The following EDIL3 variants were observed in gnomAD, a reference collection of about 807,000 sequenced individuals.
EDIL3 encodes the protein EGF like and discoidin domains 3, also known as EGF-like repeat and discoidin I-like domain-containing protein 3.
Under a neutral mutation model 67.4 loss-of-function variants are expected in EDIL3, and 37 were observed. The ratio of observed to expected loss-of-function variants is 0.55; its 90% CI spans 0.42 to 0.72. EDIL3 has a LOEUF of 0.72. EDIL3 is among the 30% of genes least tolerant of loss of function. The pLI is 0.00. For synonymous variants in EDIL3, 195 were observed against 196.3 expected (o/e 0.99, Z 0.05); for missense variants, 527 against 586.3 (o/e 0.90, Z 1.04).
chr5:84,376,066 T>C (rs894493272), intron 1 of EDIL3, among the ~76,000 whole-genome samples: 1 of 152,188 alleles, frequency 6.6e-6, no homozygotes, highest in Non-Finnish European at 1.5e-5. Flanking sequence ...CATCGCCTAA[T>C]AGTTAAGAGG....
At chr5:84,310,880 G>A (rs919619425) in intron 1 of EDIL3, among the ~76,000 whole-genome samples, 9 of 152,046 alleles carry the variant, frequency 5.9e-5, no homozygotes, top group African/African-American at 1.9e-4. Context: ...CGCTTACCCA[G>A]TCAAAAATCA....
At chr5:84,302,539 G>A (rs930149932) in intron 1 of EDIL3, among the ~76,000 whole-genome samples, 5 of 152,082 alleles carry the variant, frequency 3.3e-5, no homozygotes, top group East Asian at 1.9e-4. Flanking sequence ...CTCGTGATCC[G>A]CCTGCCTCGG....
At chr5:83,975,569 T>A (rs1463169993) in intron 9 of EDIL3, among the ~76,000 whole-genome samples, 1 of 151,910 alleles carries the variant, frequency 6.6e-6, no homozygotes, top group Non-Finnish European at 1.5e-5. Context: ...TACATAACTG[T>A]CTTTGATATT....
chr5:84,093,784 C>T (rs1037947576), intron 6 of EDIL3, among the ~76,000 whole-genome samples: 3 of 151,774 alleles, frequency 2.0e-5, no homozygotes, highest in Non-Finnish European at 4.4e-5. Context: ...CTCAGCCTCC[C>T]AAGTAGCTGG....
At chr5:84,148,807 A>G (rs1386727383) in intron 4 of EDIL3, among the ~76,000 whole-genome samples, 2 of 152,088 alleles carry the variant, frequency 1.3e-5, no homozygotes, top group African/African-American at 4.8e-5. Flanking sequence ...TACTTTTTAT[A>G]TATTTTTATC....
At chr5:84,036,127 T>G (rs1001655206) in intron 9 of EDIL3, among the ~76,000 whole-genome samples, 1 of 152,172 alleles carries the variant, frequency 6.6e-6, no homozygotes, top group Non-Finnish European at 1.5e-5. Context: ...TTTGTGCCAT[T>G]CCCTCCTGAG....
intron 1 of EDIL3, among the ~76,000 whole-genome samples, chr5:84,355,052 C>A (rs1189709956): frequency 6.6e-6 from 1 of 152,168 alleles, no homozygotes; most frequent in Non-Finnish European, 1.5e-5. Flanking sequence ...TAGGGAAGAT[C>A]TCCTGGATAA....
intron 5 of EDIL3, among the ~76,000 whole-genome samples, chr5:84,136,250 C>T (rs1284365606): frequency 6.6e-6 from 1 of 152,178 alleles, no homozygotes; most frequent in Non-Finnish European, 1.5e-5. Flanking sequence ...AGGTGTGTCT[C>T]AGTTTGTGCA....
intron 1 of EDIL3, among the ~76,000 whole-genome samples, chr5:84,316,407 T>C (rs1019755656): frequency 6.6e-6 from 1 of 151,890 alleles, no homozygotes; most frequent in African/African-American, 2.4e-5. Flanking sequence ...AATTAAGGGA[T>C]GGAGGAAGAT....
Position 84,371,341 on chromosome 5 carries a change from A to ATATG in EDIL3, c.67+12966_67+12967insCATA, listed in dbSNP as rs1008172581. On this transcript the variant is annotated intron_variant, in intron 1 of 10. Transcript: ENST00000296591. ...AAAGTATATATATATATATATATAT[A>ATATG]TGTGTGTGTGTATATATATGTGTGT... 7.2e-3 allele frequency among the ~76,000 whole-genome samples: 939 copies of ATATG among 129,686 alleles called. 16 individuals carry two copies. Among genetic ancestry groups the ATATG allele is most frequent in the African/African-American group, 0.024 (891 of 36,624 alleles). 85.1% of individuals were successfully genotyped at this position (129,686 alleles called of 152,430 possible). A position where few individuals can be genotyped will look rare whatever the true frequency, so the allele number is the denominator to read the frequency against.
chr5:84,374,073 G>T (rs186502855), intron 1 of EDIL3, among the ~76,000 whole-genome samples: 8 of 152,250 alleles, frequency 5.3e-5, no homozygotes, highest in Admixed American at 4.6e-4. Flanking sequence ...TTAGTAATGG[G>T]CTCCAAAGGG....
chr5:84,069,337 GAAGGGAGGAATGGACTAAT>G (rs1746694757), intron 6 of EDIL3, among the ~76,000 whole-genome samples: 1 of 152,116 alleles, frequency 6.6e-6, no homozygotes, highest in African/African-American at 2.4e-5. Flanking sequence ...AGGGTATGCA[GAAGGGAGGAATGGACTAAT>G]GGGGGTTTCA....
chr5:84,104,224 A>G (rs994309067), intron 6 of EDIL3, among the ~76,000 whole-genome samples: 2 of 151,926 alleles, frequency 1.3e-5, no homozygotes, highest in African/African-American at 2.4e-5. Flanking sequence ...AGTGGGACTT[A>G]CCTGAGGGTG....
intron 9 of EDIL3, among the ~76,000 whole-genome samples, chr5:84,058,947 G>T (rs549796249): frequency 6.6e-6 from 1 of 151,296 alleles, no homozygotes; most frequent in South Asian, 2.1e-4. Flanking sequence ...TTCATAGAAC[G>T]GTAATAGGAG....
At chr5:84,224,266 A>C (rs1395762434) in intron 3 of EDIL3, among the ~76,000 whole-genome samples, 1 of 151,530 alleles carries the variant, frequency 6.6e-6, no homozygotes, top group Non-Finnish European at 1.5e-5. Context: ...TGAGGAATGA[A>C]TGAATGATTT....
At chr5:84,174,547 C>T (rs1205998783) in intron 4 of EDIL3, among the ~76,000 whole-genome samples, 1 of 152,160 alleles carries the variant, frequency 6.6e-6, no homozygotes, top group Non-Finnish European at 1.5e-5. Context: ...CAGCCCCCAC[C>T]TTGTTGTCCC....
At chr5:84,295,053 C>G (rs1349660316) in intron 1 of EDIL3, among the ~76,000 whole-genome samples, 1 of 151,912 alleles carries the variant, frequency 6.6e-6, no homozygotes, top group East Asian at 1.9e-4. Context: ...AGATGTTGTA[C>G]AGGGAATTCA....
At position 84,062,046 on chromosome 5, in the gene EDIL3, T is replaced by A. The variant is rs534798928; in HGVS notation, c.953-1562A>T. Among the ~76,000 whole-genome samples the A allele has an allele frequency of 2.6e-5, 4 of 152,194 alleles. No individual in the cohort carries two copies. The South Asian group carries it at 8.3e-4, about 32-fold the overall frequency. ...CACCATCTAGGAAATGCATATCCTATGAAAACATGGAAAACATGACATGGA... is the reference window on the plus strand; with the variant it reads ...CACCATCTAGGAAATGCATATCCTAAGAAAACATGGAAAACATGACATGGA... On this transcript the variant is annotated intron_variant, in intron 8 of 10. Transcript: ENST00000296591.
rs562171777 is a variant in EDIL3, at chr5:84,226,323, T to C, written c.226+3532A>G. Among the ~76,000 whole-genome samples, 331 of 151,754 alleles carry C rather than the reference T, an allele frequency of 2.2e-3. 2 individuals are homozygous for C. Among genetic ancestry groups the C allele is most frequent in the African/African-American group, 7.7e-3 (318 of 41,512 alleles). Reference sequence around the variant, plus strand: ...GATGAGAGTGAAAACAGAATATTAATGCTGTAATAAACAAACATGAATAAC... The same window carrying C: ...GATGAGAGTGAAAACAGAATATTAACGCTGTAATAAACAAACATGAATAAC... On this transcript the variant is annotated intron_variant, in intron 3 of 10. Coordinates refer to ENST00000296591, the MANE Select transcript of EDIL3 (RefSeq NM_005711.5).
Sources: gnomAD v4.1 joint callset for allele counts (sites outside exome capture counted in the v4.1 genomes callset) on GRCh38, gnomAD v4.1.1 for gene constraint, MANE v1.5 for transcripts, NCBI Gene and HGNC (gene_info 2026-07-23, HGNC 2026-07-21) for gene names.